SARDH: variants seen among roughly 807,000 people sequenced by gnomAD.
The protein encoded by SARDH is sarcosine dehydrogenase, mitochondrial.
SARDH carries 95 observed loss-of-function variants against 109.1 expected under a neutral mutation model. The ratio of observed to expected loss-of-function variants is 0.87; its 90% CI spans 0.74 to 1.03. SARDH has a LOEUF of 1.03. Ranked by LOEUF, SARDH falls within the 50% of genes least tolerant of loss-of-function variation. The pLI is 0.00. For missense variants in SARDH, 1,267 were observed against 1,287.8 expected, an observed-to-expected ratio of 0.98 and a Z score of 0.25; for synonymous variants, 572 against 534.8, an observed-to-expected ratio of 1.07 and a Z score of -0.96.
Position 133,718,597 on chromosome 9 carries a change from C to T in SARDH, c.1020+341G>A, listed in dbSNP as rs376071403. On this transcript the variant is annotated intron_variant, in intron 7 of 20. Transcript: ENST00000439388. This position sits in a 1 kb window ranked among gnomAD's most constrained non-coding sequence, Gnocchi z 4.2. Reference sequence around the variant, plus strand: ...AAACAGCCCAGGCCAGGGGAAATGCCGCTGCAGCAGCTGGTTGGGAGGGCA... The same window carrying T: ...AAACAGCCCAGGCCAGGGGAAATGCTGCTGCAGCAGCTGGTTGGGAGGGCA... The T allele has an allele frequency of 1.3e-6, 1 of 763,718 alleles. No individual in the cohort carries two copies. The highest frequency in any genetic ancestry group is 2.4e-5 in the East Asian group (1 of 40,968). 47.3% of individuals were successfully genotyped at this position (763,718 alleles called of 1,614,324 possible).
chr9:133,702,619 G>C (rs552133958), intron 13 of SARDH, among the ~76,000 whole-genome samples: 43 of 152,342 alleles, frequency 2.8e-4, no homozygotes, highest in South Asian at 1.2e-3. Flanking sequence ...GCTCAGAGCG[G>C]TGCAGCCCCA....
chr9:133,711,760 C>T (rs1056260768), intron 10 of SARDH, among the ~76,000 whole-genome samples: 4 of 152,182 alleles, frequency 2.6e-5, no homozygotes, highest in African/African-American at 9.7e-5. Context: ...CAGCAGCAGC[C>T]GGGAGCAGAG....
intron 3 of SARDH, 115 bp from the exon 4 acceptor site, chr9:133,731,599 T>C: frequency 9.4e-7 from 1 of 1,063,170 alleles, no homozygotes; most frequent in Non-Finnish European, 1.4e-6. Flanking sequence ...CCAGAAGCCT[T>C]AGCCGGTCCC....
At position 133,690,608 on chromosome 9, in the gene SARDH, C is replaced by A. The variant is rs147163440; in HGVS notation, c.1922-81G>T. ...CAGAGAGGGTGGCCCAAGGGTCTCC[C>A]GGCTGAGAAAACAAATGCCCTCTCA... On this transcript the variant is annotated intron_variant, in intron 15 of 20. Transcript: ENST00000439388. The A allele has an allele frequency of 5.1e-4, 767 of 1,502,816 alleles. 1 individual carries two copies. The African/African-American group carries it at 6.6e-3, about 13-fold the overall frequency. The allele number at this position is 1,502,816 out of a possible 1,614,324, so 93.1% of individuals were successfully genotyped here. A position where few individuals can be genotyped will look rare whatever the true frequency, so the allele number is the denominator to read the frequency against.
At chr9:133,726,155 C>T (rs1011835058) in intron 6 of SARDH, among the ~76,000 whole-genome samples, 9 of 151,886 alleles carry the variant, frequency 5.9e-5, no homozygotes, top group Non-Finnish European at 1.2e-4. Flanking sequence ...AGGAGGATCG[C>T]TTGAGCAGTT....
intron 13 of SARDH, among the ~76,000 whole-genome samples, chr9:133,697,610 G>A (rs1398502190): frequency 6.6e-6 from 1 of 152,194 alleles, no homozygotes; most frequent in East Asian, 1.9e-4. Context: ...TATGAGGTTG[G>A]TTTAACATTC....
At chr9:133,703,206 C>A in intron 12 of SARDH, 177 bp from the exon 13 acceptor site, 1 of 610,604 alleles carries the variant, frequency 1.6e-6, no homozygotes, top group Non-Finnish European at 2.9e-6. Flanking sequence ...GAGGTCCAGG[C>A]AAAACAGAGG....
At position 133,667,194 on chromosome 9, in the gene SARDH, G is replaced by GGTTTTT. The variant is rs1564225742; in HGVS notation, c.2496-325_2496-324insAAAAAC. Reference sequence around the variant, plus strand: ...TTCCTTCCATTGTTGTTCAACTCTGGTTTTTTTTTTTTTTTTTTTTTTGGT... The same window carrying GGTTTTT: ...TTCCTTCCATTGTTGTTCAACTCTGGGTTTTTTTTTTTTTTTTTTTTTTTTTTTGGT... On this transcript the variant is annotated intron_variant, in intron 19 of 20. Transcript: ENST00000439388. 4 of 294,108 alleles carry GGTTTTT rather than the reference G, an allele frequency of 1.4e-5. 1 individual carries two copies. The allele number at this position is 294,108 out of a possible 1,614,324, so 18.2% of individuals were successfully genotyped here. A position where few individuals can be genotyped will look rare whatever the true frequency, so the allele number is the denominator to read the frequency against.
chr9:133,678,618 A>G (rs892141861), intron 17 of SARDH, among the ~76,000 whole-genome samples: 5 of 152,204 alleles, frequency 3.3e-5, no homozygotes, highest in African/African-American at 7.2e-5. Flanking sequence ...CCTGGGAGTG[A>G]GAAGCACTGC....
At chr9:133,722,667 CTCTCTCTCTCTT>C (rs1269288215) in intron 6 of SARDH, among the ~76,000 whole-genome samples, 2 of 151,130 alleles carry the variant, frequency 1.3e-5, no homozygotes, top group East Asian at 1.9e-4. Context: ...CTCTCTCTCT[CTCTCTCTCTCTT>C]TCTCTCTTTC....
chr9:133,688,878 A>C (rs1235714107), intron 16 of SARDH, among the ~76,000 whole-genome samples: 1 of 152,240 alleles, frequency 6.6e-6, no homozygotes, highest in East Asian at 1.9e-4. Context: ...TTAGTGTTAA[A>C]GCACTCGACC....
rs1034333730 is a variant in SARDH at position 133,686,260 on chromosome 9, C to T, written c.2070-974G>A. 1.2e-4 allele frequency among the ~76,000 whole-genome samples: 18 copies of T among 152,076 alleles called. No individual in the cohort carries two copies. The East Asian group carries it at 3.5e-3, about 29-fold the overall frequency. Reference sequence around the variant, plus strand: ...ACACTTGCGCAAGTACCGGAGACCTCACTGGAGCCAACACCCATGGTCTCC... The same window carrying T: ...ACACTTGCGCAAGTACCGGAGACCTTACTGGAGCCAACACCCATGGTCTCC... On this transcript the variant is annotated intron_variant, in intron 16 of 20. Coordinates refer to ENST00000439388, the MANE Select transcript of SARDH (RefSeq NM_001134707.2). This position sits in a 1 kb window ranked among gnomAD's most constrained non-coding sequence, Gnocchi z 4.0.
rs533710124 is a variant in SARDH, at chr9:133,673,048, G to A, written c.2164-1351C>T. ...GTCAGTAATGTCTGTGGGCTGAGGC[G>A]GACACAGAGGCTCCCAGAGGCACTG... On this transcript the variant is annotated intron_variant, in intron 17 of 20. Transcript: ENST00000439388. 5.3e-5 allele frequency among the ~76,000 whole-genome samples: 8 copies of A among 152,328 alleles called. No homozygotes were observed. The South Asian group carries it at 8.3e-4, about 16-fold the overall frequency.
At position 133,708,383 on chromosome 9, in the gene SARDH, C is replaced by T; in HGVS notation, c.1374G>A (p.Glu458=). 1 of 1,612,930 alleles carries T rather than the reference C, an allele frequency of 6.2e-7. No individual in the cohort carries two copies. The highest frequency in any genetic ancestry group is 8.5e-7 in the Non-Finnish European group (1 of 1,179,680). Residue 458 remains glutamate (E), a synonymous_variant, in exon 11 of 21, where the codon GAG becomes GAA. Transcript: ENST00000439388. Reference sequence around the variant, plus strand: ...TCTTGGCGTAGGACTCATGGCTTCGCTCTCGGATCCAGCGGGGGTGGTCCG... The same window carrying T: ...TCTTGGCGTAGGACTCATGGCTTCGTTCTCGGATCCAGCGGGGGTGGTCCG... The part of the protein sequence containing the change: ...SLTDHPRWIR[E]RSHESYAKNY...
rs761172962 is a variant in SARDH at position 133,712,737 on chromosome 9, G to T, written c.1238-28C>A. 6.3e-7 allele frequency: 1 copy of T among 1,597,204 alleles called. No homozygotes were observed. The highest frequency in any genetic ancestry group is 2.2e-5 in the East Asian group (1 of 44,818). On this transcript the variant is annotated intron_variant, in intron 9 of 20. Transcript: ENST00000439388. The surrounding 1 kb of genome is among the most constrained non-coding windows in gnomAD (Gnocchi z 4.1). ...GGCAGGAAGAGAAGCGCAGGGCTGC[G>T]GTCTGCCCCCCAGGGTCCCCCACCC...
At chr9:133,724,206 C>A (rs1453966391) in intron 6 of SARDH, among the ~76,000 whole-genome samples, 1 of 152,136 alleles carries the variant, frequency 6.6e-6, no homozygotes, top group Non-Finnish European at 1.5e-5. Context: ...AGGGAAAAGA[C>A]AACCACTGAA....
chr9:133,689,388 G>A (rs1831010569), intron 16 of SARDH, among the ~76,000 whole-genome samples: 2 of 152,124 alleles, frequency 1.3e-5, no homozygotes, highest in African/African-American at 2.4e-5. Context: ...ACACCGAGAT[G>A]AGTGTCCTGG....
chr9:133,717,135 C>T (rs902131298), intron 8 of SARDH, among the ~76,000 whole-genome samples, 191 bp downstream of exon 8: 3 of 152,190 alleles, frequency 2.0e-5, no homozygotes, highest in African/African-American at 7.2e-5. Context: ...GAAGCCCAGG[C>T]CTCTCGCCCG....
At chr9:133,673,122 G>C (rs535105700) in intron 17 of SARDH, among the ~76,000 whole-genome samples, 17 of 152,354 alleles carry the variant, frequency 1.1e-4, no homozygotes, top group Non-Finnish European at 2.4e-4. Flanking sequence ...TGGTGTCTTT[G>C]GGAGGGTGTG....
Sources: allele counts gnomAD v4.1 joint callset (sites outside exome capture counted in the v4.1 genomes callset), GRCh38; gene constraint gnomAD v4.1.1; non-coding constraint Gnocchi (gnomAD v3.1); transcripts MANE v1.5; gene names NCBI Gene and HGNC (gene_info 2026-07-23, HGNC 2026-07-21).